Variants in PAM observed in about 807,000 individuals in gnomAD.
The protein encoded by PAM is peptidylglycine alpha-amidating monooxygenase.
A neutral mutation model predicts 122.1 loss-of-function variants in PAM; 72 were observed. That is an observed-to-expected ratio of 0.59 (90% CI 0.49 to 0.72). The LOEUF is 0.72. Ranked by LOEUF, PAM falls within the 30% of genes least tolerant of loss-of-function variation. The pLI, the probability that PAM is intolerant of heterozygous loss-of-function variation, is 0.00. For synonymous variants in PAM, 389 were observed against 404.4 expected, an observed-to-expected ratio of 0.96 and a Z score of 0.46; for missense variants, 1,106 against 1,183.7, an observed-to-expected ratio of 0.93 and a Z score of 0.96.
At chr5:102,926,521 AT>A (rs1749619043) in intron 6 of PAM, 63 bp from the exon 7 acceptor site, 3 of 885,242 alleles carry the variant, frequency 3.4e-6, no homozygotes, top group Middle Eastern at 3.1e-4. Flanking sequence ...TAGAACAGCA[AT>A]TTGAGATTAA....
At chr5:102,960,360 A>G (rs560669406) in intron 13 of PAM, among the ~76,000 whole-genome samples, 1 of 152,130 alleles carries the variant, frequency 6.6e-6, no homozygotes, top group South Asian at 2.1e-4. Context: ...TTCCTCATCT[A>G]ACTCCTTCCC....
intron 21 of PAM, among the ~76,000 whole-genome samples, chr5:103,014,484 G>A (rs2151189669): frequency 6.6e-6 from 1 of 152,232 alleles, no homozygotes; most frequent in African/African-American, 2.4e-5. Context: ...ACTGAAATCA[G>A]TTTATAAATC....
At chr5:103,010,173 C>A (rs556288264) in intron 21 of PAM, among the ~76,000 whole-genome samples, 2 of 152,172 alleles carry the variant, frequency 1.3e-5, no homozygotes, top group African/African-American at 4.8e-5. Context: ...AGTTAGAATA[C>A]AAAAAATAAA....
chr5:102,856,857 T>C (rs764526989), intron 1 of PAM, among the ~76,000 whole-genome samples: 9 of 152,158 alleles, frequency 5.9e-5, no homozygotes, highest in Non-Finnish European at 1.2e-4. Context: ...ATTGGCTGCA[T>C]GTTAGAAGAC....
At chr5:102,762,106 T>C (rs1752526240) in intron 1 of PAM, among the ~76,000 whole-genome samples, 1 of 152,250 alleles carries the variant, frequency 6.6e-6, no homozygotes, top group Admixed American at 6.5e-5. Flanking sequence ...TGAAATCTTA[T>C]TTTTGTAGGG....
intron 4 of PAM, among the ~76,000 whole-genome samples, chr5:102,909,885 A>G (rs1441393247): frequency 3.9e-5 from 6 of 152,014 alleles, no homozygotes; most frequent in South Asian, 2.1e-4. Context: ...TCAGATCCAA[A>G]CTTGCAAGTC....
intron 24 of PAM, among the ~76,000 whole-genome samples, chr5:103,025,703 C>T (rs144019624): frequency 7.9e-4 from 120 of 152,230 alleles, no homozygotes; most frequent in African/African-American, 2.8e-3. Flanking sequence ...GCCCAGTCCT[C>T]AAAGTACCTG....
intron 1 of PAM, among the ~76,000 whole-genome samples, chr5:102,855,074 T>C (rs187495762): frequency 2.6e-5 from 4 of 152,322 alleles, no homozygotes; most frequent in African/African-American, 9.6e-5. Flanking sequence ...ATTAAAATGT[T>C]TTTTTAAGCA....
intron 1 of PAM, among the ~76,000 whole-genome samples, chr5:102,757,428 A>G (rs954896889): frequency 6.6e-6 from 1 of 152,252 alleles, no homozygotes; most frequent in African/African-American, 2.4e-5. Flanking sequence ...TCTAAAATAA[A>G]ATGCCATGTG....
chr5:102,900,577 C>T (rs1797529024), intron 3 of PAM, among the ~76,000 whole-genome samples: 1 of 151,520 alleles, frequency 6.6e-6, no homozygotes, highest in South Asian at 2.1e-4. Context: ...GGAATCTGAT[C>T]ATTCCAGCTC....
At chr5:102,875,445 C>G (rs187986213) in intron 3 of PAM, among the ~76,000 whole-genome samples, 1 of 152,130 alleles carries the variant, frequency 6.6e-6, no homozygotes, top group Admixed American at 6.5e-5. Context: ...CATCCTGCCT[C>G]GGTCTCCCAA....
At chr5:102,836,257 T>G (rs1776993375) in intron 1 of PAM, among the ~76,000 whole-genome samples, 1 of 152,248 alleles carries the variant, frequency 6.6e-6, no homozygotes, top group Non-Finnish European at 1.5e-5. Flanking sequence ...TATTCCCTGT[T>G]AAAGATATAT....
At position 102,920,737 on chromosome 5, in the gene PAM, A is replaced by C. The variant is rs186239273; in HGVS notation, c.357-4220A>C. On this transcript the variant is annotated intron_variant, in intron 5 of 25. Transcript: ENST00000438793. ...GTTTTCCTGGTTGTGGTTCTGTTAGATATGTAATGCATTAAAATTGGAATT... is the reference window on the plus strand; with the variant it reads ...GTTTTCCTGGTTGTGGTTCTGTTAGCTATGTAATGCATTAAAATTGGAATT... Among the ~76,000 whole-genome samples, 123 of 151,768 alleles carry C rather than the reference A, an allele frequency of 8.1e-4. 1 individual carries two copies. Among genetic ancestry groups the C allele is most frequent in the Non-Finnish European group, 7.1e-4 (48 of 67,894 alleles).
At chr5:102,819,714 A>G (rs531613283) in intron 1 of PAM, among the ~76,000 whole-genome samples, 2 of 152,322 alleles carry the variant, frequency 1.3e-5, no homozygotes, top group East Asian at 1.9e-4. Context: ...AGTACTATAT[A>G]TAGGGATTTC....
intron 3 of PAM, among the ~76,000 whole-genome samples, chr5:102,886,913 T>C (rs140787003): frequency 1.8e-3 from 268 of 152,212 alleles, no homozygotes; most frequent in African/African-American, 6.1e-3. Context: ...CTCCCTTGAA[T>C]CTACACCTAG....
intron 7 of PAM, among the ~76,000 whole-genome samples, chr5:102,938,600 T>C (rs1319882329): frequency 2.0e-5 from 3 of 152,182 alleles, no homozygotes; most frequent in Non-Finnish European, 2.9e-5. Flanking sequence ...TATTGATCCC[T>C]TTGCAACTCA....
intron 15 of PAM, among the ~76,000 whole-genome samples, chr5:102,987,791 C>A (rs1772405545): frequency 6.6e-6 from 1 of 152,144 alleles, no homozygotes; most frequent in African/African-American, 2.4e-5. Flanking sequence ...CCATTCACAT[C>A]CACTTCTATA....
intron 1 of PAM, among the ~76,000 whole-genome samples, chr5:102,842,029 T>G (rs1422115566): frequency 6.6e-6 from 1 of 152,034 alleles, no homozygotes; most frequent in Non-Finnish European, 1.5e-5. Flanking sequence ...CTATTGCATA[T>G]CATACACAAA....
intron 1 of PAM, among the ~76,000 whole-genome samples, chr5:102,767,066 G>A (rs575190036): frequency 6.7e-6 from 1 of 150,370 alleles, no homozygotes; most frequent in African/African-American, 2.4e-5. Context: ...GCCACATGTG[G>A]TTTCATGAAA....
Sources: allele counts gnomAD v4.1 joint callset (sites outside exome capture counted in the v4.1 genomes callset), GRCh38; gene constraint gnomAD v4.1.1; transcripts MANE v1.5; gene names NCBI Gene and HGNC (gene_info 2026-07-23, HGNC 2026-07-21).